Variants in TRIM3 observed in about 807,000 individuals in gnomAD.
The protein encoded by TRIM3 is tripartite motif-containing protein 3.
Under a neutral mutation model 66.6 loss-of-function variants are expected in TRIM3, and 13 were observed. The ratio of observed to expected loss-of-function variants is 0.20; its 90% CI spans 0.13 to 0.31. TRIM3 has a LOEUF of 0.31. Among genes scored for constraint, TRIM3 ranks in the 10% least tolerant of loss-of-function variants. The pLI is 1.00. For missense variants in TRIM3, 711 were observed against 1,020.4 expected, an observed-to-expected ratio of 0.70 and a Z score of 4.13; for synonymous variants, 406 against 411.7, an observed-to-expected ratio of 0.99 and a Z score of 0.17.
Position 6,458,812 on chromosome 11 carries a change from G to A in TRIM3, c.132-516C>T, listed in dbSNP as rs560292219. ...CTAGGCTGCCCAGGCCCAACACCCCGTTGGTCACCTGTTATACTGTATGAC... is the reference window on the plus strand; with the variant it reads ...CTAGGCTGCCCAGGCCCAACACCCCATTGGTCACCTGTTATACTGTATGAC... On this transcript the variant is annotated intron_variant, in intron 2 of 11. Transcript: ENST00000345851. The surrounding 1 kb of genome is among the most constrained non-coding windows in gnomAD (Gnocchi z 6.2). 2.4e-4 allele frequency among the ~76,000 whole-genome samples: 36 copies of A among 151,626 alleles called. No homozygotes were observed. Among genetic ancestry groups the A allele is most frequent in the Admixed American group, 1.2e-3 (18 of 15,286 alleles).
rs1849990009 is a variant in TRIM3 at position 6,456,529 on chromosome 11, G to A, written c.1197C>T (p.Leu399=). The change falls in exon 6 of 12, where the codon CTC becomes CTT. Residue 399 remains leucine, a synonymous_variant. Coordinates refer to ENST00000345851, the MANE Select transcript of TRIM3 (RefSeq NM_033278.4). This position sits in a 1 kb window ranked among gnomAD's most constrained non-coding sequence, Gnocchi z 6.4. ...VYTARTEGEL[L]LSVLLYGQPV... The stretch of plus-strand genomic sequence containing the variant: ...GCTGTCCGTAGAGCAGCACCGAGAG[G>A]AGCAGCTCGCCTTCCGTGCGCGCTG... 2.5e-6 allele frequency: 4 copies of A among 1,594,038 alleles called. No individual in the cohort carries two copies. The highest frequency in any genetic ancestry group is 3.4e-6 in the Non-Finnish European group (4 of 1,165,368).
chr11:6,464,842 C>T (rs1387569473), intron 2 of TRIM3, among the ~76,000 whole-genome samples: 1 of 152,050 alleles, frequency 6.6e-6, no homozygotes, highest in Non-Finnish European at 1.5e-5. Context: ...AAAAAGTTAG[C>T]TGGGCGTGGC....
rs570134944 is a variant in TRIM3, at chr11:6,449,741, C to T, written c.1942-295G>A. 5.8e-6 allele frequency: 2 copies of T among 345,170 alleles called. No individual in the cohort carries two copies. Among genetic ancestry groups the T allele is most frequent in the African/African-American group, 4.2e-5 (2 of 48,122 alleles). The allele number at this position is 345,170 out of a possible 1,614,324, so 21.4% of individuals were successfully genotyped here. ...GCTGGCCATGAGTCACTCTTGACTC[C>T]AATTTCTTCTCTGTTTGATAGGCCA... On this transcript the variant is annotated intron_variant, in intron 10 of 11. Coordinates refer to ENST00000345851, the MANE Select transcript of TRIM3 (RefSeq NM_033278.4). The surrounding 1 kb of genome is among the most constrained non-coding windows in gnomAD (Gnocchi z 5.3).
intron 7 of TRIM3, chr11:6,453,145 G>C (rs1223974813): frequency 6.6e-6 from 1 of 152,190 alleles, no homozygotes; most frequent in East Asian, 1.9e-4. Context: ...CACTGATATG[G>C]CATTTGGCAC....
Position 6,456,054 on chromosome 11 carries a change from A to G in TRIM3, c.1533+18T>C. On this transcript the variant is annotated intron_variant, in intron 7 of 11. Transcript: ENST00000345851. The surrounding 1 kb of genome is among the most constrained non-coding windows in gnomAD (Gnocchi z 6.4). ...AACTCTTATTTTGGTGGTGGAGGAG[A>G]GCGGTAAAGGTGCTTACCTGAATAC... The G allele has an allele frequency of 6.2e-7, 1 of 1,610,530 alleles. No individual in the cohort carries two copies. Among genetic ancestry groups the G allele is most frequent in the South Asian group, 1.1e-5 (1 of 90,996 alleles).
chr11:6,453,642 T>C (rs989477810), intron 7 of TRIM3, among the ~76,000 whole-genome samples: 1 of 150,358 alleles, frequency 6.7e-6, no homozygotes, highest in East Asian at 1.9e-4. Flanking sequence ...AATGAGGGAG[T>C]TTTCACAGAA....
Position 6,456,484 on chromosome 11 carries a change from G to A in TRIM3, c.1242C>T (p.Phe414=), listed in dbSNP as rs1302773610. The A allele has an allele frequency of 6.4e-7, 1 of 1,559,918 alleles. No homozygotes were observed. Among genetic ancestry groups the A allele is most frequent in the Non-Finnish European group, 8.7e-7 (1 of 1,148,762 alleles). ...CCCCCGGACGCAGGGCACGCACGCG[G>A]AAGGGGCTGCCGCGCACTGGCTGTC... ...LYGQPVRGSP[F]RVRALRPGDL... The change falls in exon 6 of 12, where the codon TTC becomes TTT. Residue 414 remains phenylalanine, a synonymous_variant. Transcript: ENST00000345851. The surrounding 1 kb of genome is among the most constrained non-coding windows in gnomAD (Gnocchi z 6.4).
At chr11:6,465,489 CCCTCCCCACAGGGGAGGAGGATCCTCAT>C (rs1445397286) in intron 2 of TRIM3, 48 bp downstream of exon 2, 253 of 1,552,456 alleles carry the variant, frequency 1.6e-4, no homozygotes, top group Non-Finnish European at 2.1e-4. Flanking sequence ...TGCTCCCTCA[CCCTCCCCACAGGGGAGGAGGATCCTCAT>C]CCTCCCCACA....
intron 2 of TRIM3, 44 bp downstream of exon 2, chr11:6,465,520 TC>T (rs770417232): frequency 7.5e-6 from 12 of 1,609,684 alleles, no homozygotes; most frequent in Non-Finnish European, 9.3e-6. Flanking sequence ...ATCCTCATCC[TC>T]CCCACAGGGT....
intron 2 of TRIM3, among the ~76,000 whole-genome samples, chr11:6,460,898 C>CTTTTT (rs771919613): frequency 1.3e-3 from 93 of 74,276 alleles, no homozygotes; most frequent in Admixed American, 1.5e-3. Flanking sequence ...TTTTTGGTGG[C>CTTTTT]TTTTTTTTTT....
chr11:6,457,148 A>G lies in TRIM3; in HGVS notation c.697-119T>C. 6.6e-7 allele frequency: 1 copy of G among 1,512,124 alleles called. No homozygotes were observed. Among genetic ancestry groups the G allele is most frequent in the Non-Finnish European group, 8.9e-7 (1 of 1,122,100 alleles). 93.7% of individuals were successfully genotyped at this position (1,512,124 alleles called of 1,614,324 possible). ...GAGGGTGCCTGTGGACAGAGGACAC[A>G]GATGCCCACAGCACCTACCGAGGGC... On this transcript the variant is annotated intron_variant, in intron 5 of 11. Transcript: ENST00000345851. This position sits in a 1 kb window ranked among gnomAD's most constrained non-coding sequence, Gnocchi z 4.5.
Position 6,457,078 on chromosome 11 carries a change from GTC to G in TRIM3, c.697-51_697-50del. On this transcript the variant is annotated intron_variant, in intron 5 of 11. Transcript: ENST00000345851. This position sits in a 1 kb window ranked among gnomAD's most constrained non-coding sequence, Gnocchi z 4.5. ...GGGTGAGCAGACTGGCACAGGGGGA[GTC>G]TCTGTGATTACTGAAGTTGTAGCAC... is the stretch of plus-strand genomic sequence containing the variant. 3 of 1,553,334 alleles carry G rather than the reference GTC, an allele frequency of 1.9e-6. No individual in the cohort carries two copies. The highest frequency in any genetic ancestry group is 2.6e-6 in the Non-Finnish European group (3 of 1,151,574).
rs1212554693 is a variant in TRIM3 at position 6,451,019 on chromosome 11, C to T, written c.1743G>A (p.Val581=). The T allele has an allele frequency of 1.9e-6, 3 of 1,614,192 alleles. No individual in the cohort carries two copies. The South Asian group carries it at 3.3e-5, about 18-fold the overall frequency. ...TGATATGTCCATTCCGGTCTACGGC[C>T]ACTCCCTTGGGGCCCATGAGGCGGC... ...GAGRLMGPKG[V]AVDRNGHIIV... The change falls in exon 9 of 12, where the codon GTG becomes GTA. Residue 581 remains valine (V), a synonymous_variant. Coordinates refer to ENST00000345851, the MANE Select transcript of TRIM3 (RefSeq NM_033278.4).
Position 6,458,763 on chromosome 11 carries a change from T to G in TRIM3, c.132-467A>C, listed in dbSNP as rs1850099623. 6.6e-6 allele frequency among the ~76,000 whole-genome samples: 1 copy of G among 152,124 alleles called. No individual in the cohort carries two copies. Among genetic ancestry groups the G allele is most frequent in the Admixed American group, 6.5e-5 (1 of 15,276 alleles). ...AATAGTACAGAAGTAAATAGCATGA[T>G]GATTAAGGGAATGGGTCCTGGAGCT... On this transcript the variant is annotated intron_variant, in intron 2 of 11. Coordinates refer to ENST00000345851, the MANE Select transcript of TRIM3 (RefSeq NM_033278.4). The surrounding 1 kb of genome is among the most constrained non-coding windows in gnomAD (Gnocchi z 6.2).
At position 6,457,737 on chromosome 11, in the gene TRIM3, G is replaced by A; in HGVS notation, c.474C>T (p.His158=). 1 of 1,614,006 alleles carries A rather than the reference G, an allele frequency of 6.2e-7. No individual in the cohort carries two copies. The highest frequency in any genetic ancestry group is 1.1e-5 in the South Asian group (1 of 91,082). ...TVLLRDVVEQ[H]KAALQRQLEA... is the part of the protein sequence containing the mutation. ...CGAGCTGGCGCTGCAGGGCCGCCTT[G>A]TGCTGCTCCACCACATCCCTCAGCA... Residue 158 remains histidine (H), a synonymous_variant, in exon 4 of 12, where the codon CAC becomes CAT. Coordinates refer to ENST00000345851, the MANE Select transcript of TRIM3 (RefSeq NM_033278.4). This position sits in a 1 kb window ranked among gnomAD's most constrained non-coding sequence, Gnocchi z 4.5.
At chr11:6,453,599 G>C (rs1849831379) in intron 7 of TRIM3, among the ~76,000 whole-genome samples, 1 of 152,222 alleles carries the variant, frequency 6.6e-6, no homozygotes, top group Non-Finnish European at 1.5e-5. Flanking sequence ...TGAGGGAACT[G>C]AGAAGAATGT....
chr11:6,449,785 T>G lies in TRIM3; in HGVS notation c.1942-339A>C, dbSNP rs117547924. 1.8e-3 allele frequency: 450 copies of G among 252,894 alleles called. 3 individuals carry two copies. The highest frequency in any genetic ancestry group is 2.7e-3 in the Non-Finnish European group (348 of 130,994). 15.7% of individuals were successfully genotyped at this position (252,894 alleles called of 1,614,324 possible). Reference sequence around the variant, plus strand: ...TAGGCCAATGAATTAACACAACTCTTGATTCCATCTCAAATCCCTCTCTCA... The same window carrying G: ...TAGGCCAATGAATTAACACAACTCTGGATTCCATCTCAAATCCCTCTCTCA... On this transcript the variant is annotated intron_variant, in intron 10 of 11. Coordinates refer to ENST00000345851, the MANE Select transcript of TRIM3 (RefSeq NM_033278.4). The surrounding 1 kb of genome is among the most constrained non-coding windows in gnomAD (Gnocchi z 5.3).
Position 6,457,868 on chromosome 11 carries a change from T to C in TRIM3, c.364-21A>G. ...ATCGTCTGCGGTACAAGGACTCCAG[T>C]CGGGTAATGGCTAGACATCACACTT... On this transcript the variant is annotated intron_variant, in intron 3 of 11. Transcript: ENST00000345851. This position sits in a 1 kb window ranked among gnomAD's most constrained non-coding sequence, Gnocchi z 4.5. 1 of 1,613,756 alleles carries C rather than the reference T, an allele frequency of 6.2e-7. No individual in the cohort carries two copies. Among genetic ancestry groups the C allele is most frequent in the Admixed American group, 1.7e-5 (1 of 60,006 alleles).
rs546953043 is a variant in TRIM3, at chr11:6,456,047, G to T, written c.1533+25C>A. On this transcript the variant is annotated intron_variant, in intron 7 of 11. Coordinates refer to ENST00000345851, the MANE Select transcript of TRIM3 (RefSeq NM_033278.4). The surrounding 1 kb of genome is among the most constrained non-coding windows in gnomAD (Gnocchi z 6.4). ...GCTTGAAAACTCTTATTTTGGTGGT[G>T]GAGGAGAGCGGTAAAGGTGCTTACC... 1 of 1,604,246 alleles carries T rather than the reference G, an allele frequency of 6.2e-7. No individual in the cohort carries two copies. The highest frequency in any genetic ancestry group is 8.5e-7 in the Non-Finnish European group (1 of 1,171,080).
Sources: allele counts gnomAD v4.1 joint callset (sites outside exome capture counted in the v4.1 genomes callset), GRCh38; gene constraint gnomAD v4.1.1; non-coding constraint Gnocchi (gnomAD v3.1); transcripts MANE v1.5; gene names NCBI Gene and HGNC (gene_info 2026-07-23, HGNC 2026-07-21).